BIRC5: variants seen among roughly 807,000 people sequenced by gnomAD.
BIRC5 encodes the protein baculoviral IAP repeat containing 5.
Under a neutral mutation model 15.8 loss-of-function variants are expected in BIRC5, and 8 were observed. The observed-to-expected ratio is 0.51, with a 90% CI of 0.30 to 0.91. The LOEUF (loss-of-function observed/expected upper bound fraction) is 0.91. Among genes scored for constraint, BIRC5 ranks in the 40% least tolerant of loss-of-function variants. The pLI is 0.07. For synonymous variants in BIRC5, 56 were observed against 64.5 expected (o/e 0.87, Z 0.63); for missense variants, 163 against 178.6 (o/e 0.91, Z 0.50).
At chr17:78,215,309 C>A (rs938568879) in intron 2 of BIRC5, among the ~76,000 whole-genome samples, 1 of 151,936 alleles carries the variant, frequency 6.6e-6, no homozygotes, top group African/African-American at 2.4e-5. Flanking sequence ...CCCAGCTACT[C>A]GGGAGGCTAA....
At chr17:78,221,990 A>T (rs1249932443) in intron 3 of BIRC5, among the ~76,000 whole-genome samples, 1 of 152,008 alleles carries the variant, frequency 6.6e-6, no homozygotes, top group Non-Finnish European at 1.5e-5. Context: ...TGAGCCCAGG[A>T]GTTTTGAGGC....
chr17:78,221,808 G>C (rs2076517517), intron 3 of BIRC5, among the ~76,000 whole-genome samples: 1 of 152,198 alleles, frequency 6.6e-6, no homozygotes, highest in South Asian at 2.1e-4. Flanking sequence ...AATAATCCAT[G>C]TGTGTATATA....
intron 1 of BIRC5, 67 bp from the exon 2 acceptor site, chr17:78,214,613 C>A: frequency 6.9e-7 from 1 of 1,449,488 alleles, no homozygotes; most frequent in Non-Finnish European, 9.4e-7. Context: ...CCCATCGAGG[C>A]CTTTGTGGCT....
Position 78,224,040 on chromosome 17 carries a change from G to T in BIRC5, c.*486G>T. 1 of 129,770 alleles carries T rather than the reference G, an allele frequency of 7.7e-6. No individual in the cohort carries two copies. 8.0% of individuals were successfully genotyped at this position (129,770 alleles called of 1,614,324 possible). A position where few individuals can be genotyped will look rare whatever the true frequency, so the allele number is the denominator to read the frequency against. ...CACACCTGTGCCTCCTCAGAGGACA[G>T]TTTTTTTGTTGTTGTGTTTTTTTGT... On this transcript the variant is annotated 3_prime_UTR_variant, in exon 4 of 4. Coordinates refer to ENST00000350051, the MANE Select transcript of BIRC5 (RefSeq NM_001168.3).
In BIRC5 at chr17:78,214,392, C is replaced by A. The variant is rs267605071; in HGVS notation, c.76C>A (p.Pro26Thr). The A allele has an allele frequency of 8.8e-6, 14 of 1,599,972 alleles. No individual in the cohort carries two copies. Among genetic ancestry groups the A allele is most frequent in the Non-Finnish European group, 1.1e-5 (13 of 1,173,106 alleles). The change falls in exon 1 of 4, where the codon CCC becomes ACC. Residue 26 changes from proline to threonine, a missense_variant. Coordinates refer to ENST00000350051, the MANE Select transcript of BIRC5 (RefSeq NM_001168.3). ...DHRISTFKNW[P>T]FLEGCACTPE... ...CCGCATCTCTACATTCAAGAACTGG[C>A]CCTTCTTGGAGGGCTGCGCCTGCAC...
chr17:78,223,589 CT>C lies in BIRC5; in HGVS notation c.*36del. On this transcript the variant is annotated 3_prime_UTR_variant, in exon 4 of 4. Coordinates refer to ENST00000350051, the MANE Select transcript of BIRC5 (RefSeq NM_001168.3). ...CCGGAGCTGCCTGGTCCCAGAGTGGCTGCACCACTTCCAGGGTTTATTCCCT... is the reference window on the plus strand; with the variant it reads ...CCGGAGCTGCCTGGTCCCAGAGTGGCGCACCACTTCCAGGGTTTATTCCCT... The C allele has an allele frequency of 6.2e-7, 1 of 1,613,224 alleles. No homozygotes were observed.
rs957687466 is a variant in BIRC5, at chr17:78,223,900, G to A, written c.*346G>A. ...CTAGAGCTGACAGCTTTGTTCGCGT[G>A]GGCAGAGCCTTCCACAGTGAATGTG... On this transcript the variant is annotated 3_prime_UTR_variant, in exon 4 of 4. Coordinates refer to ENST00000350051, the MANE Select transcript of BIRC5 (RefSeq NM_001168.3). 4 of 393,038 alleles carry A rather than the reference G, an allele frequency of 1.0e-5. No homozygotes were observed. Among genetic ancestry groups the A allele is most frequent in the African/African-American group, 6.2e-5 (3 of 48,524 alleles). The allele number at this position is 393,038 out of a possible 1,614,324, so 24.3% of individuals were successfully genotyped here.
chr17:78,222,759 G>C, intron 3 of BIRC5: 2 of 1,522,472 alleles, frequency 1.3e-6, no homozygotes, highest in East Asian at 2.4e-5. Flanking sequence ...GAGGAGTTAG[G>C]GTTTATAAAA....
At position 78,214,272 on chromosome 17, in the gene BIRC5, C is replaced by T. The variant is rs1236912223; in HGVS notation, c.-45C>T. ...TGCCCCGCGGCGCGCCATTAACCGC[C>T]AGATTTGAATCGCGGGACCCGTTGG... is the stretch of plus-strand genomic sequence containing the variant. On this transcript the variant is annotated 5_prime_UTR_variant, in exon 1 of 4. Coordinates refer to ENST00000350051, the MANE Select transcript of BIRC5 (RefSeq NM_001168.3). 35 of 1,549,308 alleles carry T rather than the reference C, an allele frequency of 2.3e-5. No homozygotes were observed. The highest frequency in any genetic ancestry group is 2.7e-5 in the Non-Finnish European group (31 of 1,138,210).
intron 3 of BIRC5, among the ~76,000 whole-genome samples, chr17:78,217,948 T>C (rs1262241877): frequency 1.4e-5 from 2 of 143,126 alleles, no homozygotes; most frequent in Admixed American, 7.2e-5. Flanking sequence ...CACCCCACCA[T>C]GCCCACCTTA....
intron 3 of BIRC5, among the ~76,000 whole-genome samples, chr17:78,219,287 C>T (rs187114719): frequency 3.4e-3 from 519 of 152,248 alleles, no homozygotes; most frequent in Non-Finnish European, 5.2e-3. Flanking sequence ...CAGGTTCAAG[C>T]GATTCTCGTG....
At chr17:78,222,045 C>A (rs185119362) in intron 3 of BIRC5, among the ~76,000 whole-genome samples, 7 of 151,854 alleles carry the variant, frequency 4.6e-5, no homozygotes, top group African/African-American at 1.7e-4. Context: ...AAAAAATACA[C>A]AAAAAATTAG....
intron 3 of BIRC5, chr17:78,223,039 G>A: frequency 7.1e-7 from 1 of 1,412,602 alleles, no homozygotes; most frequent in Non-Finnish European, 9.2e-7. Context: ...TAGCTGGGGT[G>A]CCTAGACTAG....
Position 78,225,103 on chromosome 17 carries a change from T to C in BIRC5, c.*1549T>C, listed in dbSNP as rs1384581259. 6.6e-6 allele frequency: 1 copy of C among 152,276 alleles called. No homozygotes were observed. Among genetic ancestry groups the C allele is most frequent in the Non-Finnish European group, 1.5e-5 (1 of 68,052 alleles). 9.4% of individuals were successfully genotyped at this position (152,276 alleles called of 1,614,324 possible). A position where few individuals can be genotyped will look rare whatever the true frequency, so the allele number is the denominator to read the frequency against. Reference sequence around the variant, plus strand: ...CACTTTAATAACTGTTGCTTAGTAATTGGCTTTGTAGAGAAGCTGGAAAAA... The same window carrying C: ...CACTTTAATAACTGTTGCTTAGTAACTGGCTTTGTAGAGAAGCTGGAAAAA... On this transcript the variant is annotated 3_prime_UTR_variant, in exon 4 of 4. Coordinates refer to ENST00000350051, the MANE Select transcript of BIRC5 (RefSeq NM_001168.3).
intron 3 of BIRC5, chr17:78,223,134 T>G: frequency 1.2e-6 from 1 of 827,500 alleles, no homozygotes; most frequent in Non-Finnish European, 1.8e-6. Flanking sequence ...TTTCCTCACC[T>G]GTATAGTAGA....
At position 78,214,310 on chromosome 17, in the gene BIRC5, C is replaced by T. The variant is rs749745235; in HGVS notation, c.-7C>T. 1.3e-6 allele frequency: 2 copies of T among 1,599,864 alleles called. No individual in the cohort carries two copies. The highest frequency in any genetic ancestry group is 1.7e-6 in the Non-Finnish European group (2 of 1,174,572). ...CGGGACCCGTTGGCAGAGGTGGCGG[C>T]GGCGGCATGGGTGCCCCGACGTTGC... On this transcript the variant is annotated 5_prime_UTR_variant, in exon 1 of 4. Transcript: ENST00000350051.
chr17:78,225,635 A>AC (rs1429251582), downstream of BIRC5: 11 of 152,014 alleles, frequency 7.2e-5, no homozygotes, highest in African/African-American at 1.7e-4. Context: ...GGTTTTATCT[A>AC]CTTTTTTTTT....
chr17:78,223,733 C>T lies in BIRC5; in HGVS notation c.*179C>T. 2 of 1,348,586 alleles carry T rather than the reference C, an allele frequency of 1.5e-6. No individual in the cohort carries two copies. Among genetic ancestry groups the T allele is most frequent in the South Asian group, 1.8e-5 (1 of 56,274 alleles). The allele number at this position is 1,348,586 out of a possible 1,614,324, so 83.5% of individuals were successfully genotyped here. On this transcript the variant is annotated 3_prime_UTR_variant, in exon 4 of 4. Transcript: ENST00000350051. Reference sequence around the variant, plus strand: ...TGTCTTGAAAGTGGCACCAGAGGTGCTTCTGCCTGTGCAGCGGGTGCTGCT... The same window carrying T: ...TGTCTTGAAAGTGGCACCAGAGGTGTTTCTGCCTGTGCAGCGGGTGCTGCT...
At position 78,224,047 on chromosome 17, in the gene BIRC5, TG is replaced by T. The variant is rs1567867358; in HGVS notation, c.*494del. 1,257 of 64,444 alleles carry T rather than the reference TG, an allele frequency of 0.02. 12 individuals carry two copies. The highest frequency in any genetic ancestry group is 0.029 in the Admixed American group (166 of 5,820). The allele number at this position is 64,444 out of a possible 1,614,324, so 4.0% of individuals were successfully genotyped here. A position where few individuals can be genotyped will look rare whatever the true frequency, so the allele number is the denominator to read the frequency against. On this transcript the variant is annotated 3_prime_UTR_variant, in exon 4 of 4. Coordinates refer to ENST00000350051, the MANE Select transcript of BIRC5 (RefSeq NM_001168.3). ...GTGCCTCCTCAGAGGACAGTTTTTT[TG>T]TTGTTGTGTTTTTTTGTTTTTTTTT...
Sources: gnomAD v4.1 joint callset for allele counts (sites outside exome capture counted in the v4.1 genomes callset) on GRCh38, gnomAD v4.1.1 for gene constraint, MANE v1.5 for transcripts, NCBI Gene and HGNC (gene_info 2026-07-23, HGNC 2026-07-21) for gene names.